The following CSMD1 variants were observed in gnomAD, a reference collection of about 807,000 sequenced individuals.
CSMD1 encodes CUB and sushi domain-containing protein 1.
Under a neutral mutation model 417.5 loss-of-function variants are expected in CSMD1, and 213 were observed. That is an observed-to-expected ratio of 0.51 (90% confidence interval 0.46 to 0.57). The LOEUF is 0.57. CSMD1 is among the 20% of genes least tolerant of loss of function. CSMD1 has a pLI of 0.00. For synonymous variants in CSMD1, 2,862 were observed against 1,736.8 expected (o/e 1.65, Z -16.11); for missense variants, 6,923 against 4,529.7 (o/e 1.53, Z -15.17).
intron 3 of CSMD1, among the ~76,000 whole-genome samples, chr8:4,161,512 C>G (rs749257723): frequency 3.3e-5 from 5 of 152,120 alleles, no homozygotes; most frequent in Non-Finnish European, 7.3e-5. Context: ...GGACTGAACC[C>G]AAGCTGAACA....
At chr8:3,213,903 G>A (rs951104847) in intron 30 of CSMD1, among the ~76,000 whole-genome samples, 1 of 151,102 alleles carries the variant, frequency 6.6e-6, no homozygotes, top group African/African-American at 2.4e-5. Flanking sequence ...TGTCACCCAG[G>A]CTGGAGTGCA....
At chr8:3,996,900 C>T (rs1815263683) in intron 5 of CSMD1, among the ~76,000 whole-genome samples, 2 of 152,190 alleles carry the variant, frequency 1.3e-5, no homozygotes, top group African/African-American at 4.8e-5. Flanking sequence ...AAAACAGGTG[C>T]TCATATTTAC....
At chr8:4,112,322 G>A (rs1050877928) in intron 3 of CSMD1, among the ~76,000 whole-genome samples, 12 of 152,146 alleles carry the variant, frequency 7.9e-5, no homozygotes, top group African/African-American at 2.7e-4. Context: ...ACTCCACCCT[G>A]GCAACGGACA....
chr8:4,786,049 G>T (rs1007675810), intron 1 of CSMD1, among the ~76,000 whole-genome samples: 2 of 152,202 alleles, frequency 1.3e-5, no homozygotes, highest in East Asian at 1.9e-4. Flanking sequence ...GCCAACATTT[G>T]TACATAAATT....
intron 1 of CSMD1, among the ~76,000 whole-genome samples, chr8:4,982,263 A>G (rs1810934852): frequency 6.6e-6 from 1 of 152,200 alleles, no homozygotes; most frequent in African/African-American, 2.4e-5. Flanking sequence ...TAATGTTACA[A>G]CACAGTAGTT....
At chr8:3,588,113 T>TTTTTTTTTTTTTTTTTTTTTTTG (rs1800684371) in intron 8 of CSMD1, among the ~76,000 whole-genome samples, 1 of 152,138 alleles carries the variant, frequency 6.6e-6, no homozygotes, top group African/African-American at 2.4e-5. Context: ...TTGTGTTTTC[T>TTTTTTTTTTTTTTTTTTTTTTTG]ATTCCAGGTA....
chr8:4,987,604 A>AT (rs1340478728), intron 1 of CSMD1, among the ~76,000 whole-genome samples: 1 of 152,224 alleles, frequency 6.6e-6, no homozygotes, highest in Non-Finnish European at 1.5e-5. Flanking sequence ...TCTGACTGAT[A>AT]TTTTATATAA....
chr8:4,799,887 G>C (rs1798183240), intron 1 of CSMD1, among the ~76,000 whole-genome samples: 1 of 152,026 alleles, frequency 6.6e-6, no homozygotes, highest in Non-Finnish European at 1.5e-5. Flanking sequence ...ACATTCAACA[G>C]ACCTGGACTG....
intron 5 of CSMD1, among the ~76,000 whole-genome samples, chr8:3,974,538 G>C (rs144684115): frequency 3.9e-5 from 6 of 151,980 alleles, no homozygotes; most frequent in African/African-American, 1.2e-4. Context: ...TTGTTTAGTT[G>C]TCTCAAAATA....
At chr8:3,324,832 C>T (rs1424241196) in intron 23 of CSMD1, among the ~76,000 whole-genome samples, 1 of 152,210 alleles carries the variant, frequency 6.6e-6, no homozygotes, top group Non-Finnish European at 1.5e-5. Flanking sequence ...AATTGTATCA[C>T]TTCAGATCTT....
At chr8:4,152,868 G>T (rs756378361) in intron 3 of CSMD1, among the ~76,000 whole-genome samples, 2 of 152,088 alleles carry the variant, frequency 1.3e-5, no homozygotes, top group African/African-American at 2.4e-5. Flanking sequence ...GGAGAAATGA[G>T]AAATTAACAT....
At chr8:2,991,955 G>A (rs1806424082) in intron 54 of CSMD1, among the ~76,000 whole-genome samples, 1 of 152,172 alleles carries the variant, frequency 6.6e-6, no homozygotes, top group Non-Finnish European at 1.5e-5. Flanking sequence ...CTACTGTCAA[G>A]TACAGATGCT....
At chr8:4,149,761 T>C (rs1489252199) in intron 3 of CSMD1, among the ~76,000 whole-genome samples, 1 of 152,178 alleles carries the variant, frequency 6.6e-6, no homozygotes, top group Non-Finnish European at 1.5e-5. Flanking sequence ...AGCCAGGCCT[T>C]GCTGGATGTG....
At chr8:4,615,971 T>G (rs1333823759) in intron 2 of CSMD1, among the ~76,000 whole-genome samples, 1 of 152,174 alleles carries the variant, frequency 6.6e-6, no homozygotes, top group South Asian at 2.1e-4. Context: ...TTTTTCAAAT[T>G]CTTCTGTAAA....
chr8:3,924,404 C>T (rs1333209052), intron 5 of CSMD1, among the ~76,000 whole-genome samples: 1 of 152,184 alleles, frequency 6.6e-6, no homozygotes, highest in South Asian at 2.1e-4. Context: ...CCTAGACATT[C>T]ATTTCCCTCT....
intron 3 of CSMD1, among the ~76,000 whole-genome samples, chr8:4,178,264 G>C (rs945533336): frequency 7.2e-5 from 11 of 152,004 alleles, no homozygotes; most frequent in African/African-American, 1.5e-4. Context: ...TGGGATGCAA[G>C]GCTGGTTCAA....
At chr8:4,605,471 T>C (rs1238292091) in intron 2 of CSMD1, among the ~76,000 whole-genome samples, 1 of 152,178 alleles carries the variant, frequency 6.6e-6, no homozygotes, top group African/African-American at 2.4e-5. Context: ...TGATGATTCA[T>C]CTTACCTTTA....
chr8:4,959,863 G>T (rs1047337382), intron 1 of CSMD1, among the ~76,000 whole-genome samples: 1 of 152,130 alleles, frequency 6.6e-6, no homozygotes, highest in East Asian at 1.9e-4. Flanking sequence ...AAACATCAGT[G>T]TCTCAATGAG....
At chr8:4,374,745 C>T (rs1221745461) in intron 3 of CSMD1, among the ~76,000 whole-genome samples, 3 of 152,108 alleles carry the variant, frequency 2.0e-5, no homozygotes, top group Non-Finnish European at 1.5e-5. Flanking sequence ...GCAGCAGAGA[C>T]GTCCAAGTGG....
Sources: allele counts gnomAD v4.1 joint callset (sites outside exome capture counted in the v4.1 genomes callset), GRCh38; gene constraint gnomAD v4.1.1; transcripts MANE v1.5; gene names NCBI Gene and HGNC (gene_info 2026-07-23, HGNC 2026-07-21).